Variants in PHACTR1 observed in about 807,000 individuals in gnomAD.
PHACTR1 encodes the protein RPEL repeat containing 1.
PHACTR1 carries 16 observed loss-of-function variants against 69.2 expected under a neutral mutation model. The observed-to-expected ratio is 0.23, with a 90% confidence interval of 0.16 to 0.35. The LOEUF is 0.35. PHACTR1 is among the 10% of genes least tolerant of loss of function. The pLI is 1.00. For missense variants in PHACTR1, 510 were observed against 734.7 expected, an observed-to-expected ratio of 0.69 and a Z score of 3.54; for synonymous variants, 312 against 284.5, an observed-to-expected ratio of 1.10 and a Z score of -0.97.
intron 4 of PHACTR1, among the ~76,000 whole-genome samples, chr6:12,788,288 C>T (rs557771685): frequency 2.6e-5 from 4 of 152,126 alleles, no homozygotes; most frequent in Admixed American, 1.3e-4. Flanking sequence ...TACCACTTAG[C>T]GAGATGAGGG....
At chr6:12,771,345 A>G (rs2127627005) in intron 4 of PHACTR1, among the ~76,000 whole-genome samples, 1 of 152,322 alleles carries the variant, frequency 6.6e-6, no homozygotes, top group African/African-American at 2.4e-5. Flanking sequence ...GGTTCTACTT[A>G]CCAGTTCAGA....
At chr6:13,259,005 A>G (rs1305411288) in intron 10 of PHACTR1, among the ~76,000 whole-genome samples, 1 of 152,216 alleles carries the variant, frequency 6.6e-6, no homozygotes, top group Non-Finnish European at 1.5e-5. Context: ...GAGTTAAGCT[A>G]AAGGTGACCA....
At chr6:13,280,317 C>A (rs986425587) in intron 12 of PHACTR1, 3 of 152,376 alleles carry the variant, frequency 2.0e-5, no homozygotes, top group Admixed American at 6.5e-5. Flanking sequence ...TTTGCCCTCC[C>A]CTGGGACTGG....
At chr6:13,126,369 A>G (rs2127956256) in intron 5 of PHACTR1, among the ~76,000 whole-genome samples, 1 of 152,354 alleles carries the variant, frequency 6.6e-6, no homozygotes, top group South Asian at 2.1e-4. Flanking sequence ...TAAAATTTGC[A>G]AGAAGGACAA....
rs1322560302 is a variant in PHACTR1, at chr6:12,751,431, A to C, written c.250+1641A>C. ...AGGACCGATAATAGTTTCTTTTAGG[A>C]GCAAGATTGTTTTCCCAACCAAGTG... On this transcript the variant is annotated intron_variant, in intron 4 of 14. Coordinates refer to ENST00000332995, the MANE Select transcript of PHACTR1 (RefSeq NM_030948.6). Among the ~76,000 whole-genome samples the C allele has an allele frequency of 2.0e-5, 3 of 152,218 alleles. No individual in the cohort carries two copies. The East Asian group carries it at 5.8e-4, about 29-fold the overall frequency.
At chr6:13,183,267 G>C (rs1469687445) in intron 7 of PHACTR1, among the ~76,000 whole-genome samples, 1 of 152,180 alleles carries the variant, frequency 6.6e-6, no homozygotes, top group South Asian at 2.1e-4. Flanking sequence ...CTCTCAGAAG[G>C]TTTGCAGAGC....
chr6:13,040,354 GA>G (rs1427793341), intron 4 of PHACTR1, among the ~76,000 whole-genome samples: 7 of 152,040 alleles, frequency 4.6e-5, no homozygotes, highest in Non-Finnish European at 7.4e-5. Flanking sequence ...TTTGGAAAGG[GA>G]AAAAGGAACA....
intron 6 of PHACTR1, among the ~76,000 whole-genome samples, chr6:13,171,328 G>A (rs976639654): frequency 1.3e-5 from 2 of 152,168 alleles, no homozygotes; most frequent in Non-Finnish European, 2.9e-5. Flanking sequence ...CAGCACTCCA[G>A]GTTTCCCACA....
intron 4 of PHACTR1, among the ~76,000 whole-genome samples, chr6:12,854,890 A>G (rs1252767634): frequency 6.6e-6 from 1 of 152,168 alleles, no homozygotes; most frequent in Non-Finnish European, 1.5e-5. Context: ...AAAAAATGTC[A>G]GCTGTTGGCA....
rs149496423 is a variant in PHACTR1 at position 13,051,146 on chromosome 6, C to G, written c.251-2219C>G. On this transcript the variant is annotated intron_variant, in intron 4 of 14. Coordinates refer to ENST00000332995, the MANE Select transcript of PHACTR1 (RefSeq NM_030948.6). ...CCATTCTACCCAAAGTACTCTTGAT[C>G]TATTTTACCAGGTTCCACTCATTAT... 9.4e-3 allele frequency among the ~76,000 whole-genome samples: 1,437 copies of G among 152,178 alleles called. 9 individuals carry two copies. The highest frequency in any genetic ancestry group is 0.015 in the Non-Finnish European group (1,051 of 67,984).
At position 13,117,411 on chromosome 6, in the gene PHACTR1, G is replaced by A. The variant is rs1476958786; in HGVS notation, c.416-42793G>A. Among the ~76,000 whole-genome samples the A allele has an allele frequency of 2.0e-5, 3 of 152,248 alleles. No individual in the cohort carries two copies. The East Asian group carries it at 5.8e-4, about 29-fold the overall frequency. On this transcript the variant is annotated intron_variant, in intron 5 of 14. Coordinates refer to ENST00000332995, the MANE Select transcript of PHACTR1 (RefSeq NM_030948.6). ...TGTCATATGGATTTGTTTGGGAAAT[G>A]GGTATCTATGAATAATCTCAGTGGA...
At chr6:13,014,521 G>C (rs1799884346) in intron 4 of PHACTR1, among the ~76,000 whole-genome samples, 1 of 152,168 alleles carries the variant, frequency 6.6e-6, no homozygotes. Context: ...ATTATGATGG[G>C]ATACAGGGTT....
intron 4 of PHACTR1, among the ~76,000 whole-genome samples, chr6:12,970,624 T>C (rs1794084544): frequency 1.3e-5 from 2 of 152,042 alleles, no homozygotes; most frequent in African/African-American, 4.8e-5. Flanking sequence ...GGCGTGGTGG[T>C]GTGTGCCTGT....
At chr6:12,877,576 A>AC (rs1782666819) in intron 4 of PHACTR1, among the ~76,000 whole-genome samples, 1 of 151,686 alleles carries the variant, frequency 6.6e-6, no homozygotes, top group African/African-American at 2.4e-5. Context: ...AGCCTGTTCC[A>AC]CCCCCATCAT....
At chr6:13,117,602 A>T (rs1818004218) in intron 5 of PHACTR1, among the ~76,000 whole-genome samples, 1 of 152,254 alleles carries the variant, frequency 6.6e-6, no homozygotes, top group African/African-American at 2.4e-5. Context: ...TTCACAAAAA[A>T]TGTGGTCTCT....
At chr6:12,770,041 A>C (rs1234425523) in intron 4 of PHACTR1, among the ~76,000 whole-genome samples, 3 of 152,212 alleles carry the variant, frequency 2.0e-5, no homozygotes, top group Non-Finnish European at 4.4e-5. Flanking sequence ...TGGGATGCTG[A>C]TGCGATTTGA....
At position 12,719,854 on chromosome 6, in the gene PHACTR1, A is replaced by C. The variant is rs536492790; in HGVS notation, c.103+1007A>C. On this transcript the variant is annotated intron_variant, in intron 3 of 14. Coordinates refer to ENST00000332995, the MANE Select transcript of PHACTR1 (RefSeq NM_030948.6). ...ATCGTGGTAACCTCAGGGGGCTTGC[A>C]AGCCATCTCCTTCTCTGCTTTCATT... Among the ~76,000 whole-genome samples, 17 of 152,286 alleles carry C rather than the reference A, an allele frequency of 1.1e-4. No homozygotes were observed. In the South Asian group the frequency reaches 1.7e-3, roughly 15 times the overall value.
intron 4 of PHACTR1, among the ~76,000 whole-genome samples, chr6:12,975,008 G>GA (rs141665663): frequency 0.022 from 3,357 of 152,208 alleles, 124 homozygotes; most frequent in African/African-American, 0.076. Context: ...TACGGTCAGG[G>GA]AAAAAAGCCC....
intron 3 of PHACTR1, among the ~76,000 whole-genome samples, chr6:12,737,601 T>TC (rs1018178566): frequency 2.1e-4 from 31 of 151,216 alleles, no homozygotes; most frequent in African/African-American, 5.1e-4. Context: ...TTTCTTTCTT[T>TC]TTTTTTTTTA....
Sources: gnomAD v4.1 joint callset for allele counts (sites outside exome capture counted in the v4.1 genomes callset) on GRCh38, gnomAD v4.1.1 for gene constraint, MANE v1.5 for transcripts, NCBI Gene and HGNC (gene_info 2026-07-23, HGNC 2026-07-21) for gene names.